The following MED13 variants were observed in gnomAD, a reference collection of about 807,000 sequenced individuals.
MED13 encodes the protein mediator complex subunit 13, also known as mediator of RNA polymerase II transcription subunit 13.
MED13 carries 23 observed loss-of-function variants against 225.2 expected under a neutral mutation model. The ratio of observed to expected loss-of-function variants is 0.10; its 90% confidence interval spans 0.07 to 0.14. The LOEUF (loss-of-function observed/expected upper bound fraction) is 0.14. MED13 is among the 10% of genes least tolerant of loss of function. The pLI is 1.00. For missense variants in MED13, 2,197 were observed against 2,594.5 expected (o/e 0.85, Z 3.33); for synonymous variants, 942 against 889.2 (o/e 1.06, Z -1.06).
At chr17:62,020,059 A>G (rs2080623968) in intron 8 of MED13, among the ~76,000 whole-genome samples, 1 of 152,020 alleles carries the variant, frequency 6.6e-6, no homozygotes, top group South Asian at 2.1e-4. Flanking sequence ...ACTGAACTTC[A>G]TGCTAGAACA....
At chr17:62,012,405 C>T (rs1307314319) in intron 8 of MED13, among the ~76,000 whole-genome samples, 4 of 149,344 alleles carry the variant, frequency 2.7e-5, no homozygotes, top group African/African-American at 9.9e-5. Context: ...TCTCAGCTCA[C>T]CGCAACCTCC....
At chr17:61,994,926 G>A (rs1470183610) in intron 10 of MED13, among the ~76,000 whole-genome samples, 1 of 152,154 alleles carries the variant, frequency 6.6e-6, no homozygotes, top group Non-Finnish European at 1.5e-5. Flanking sequence ...GGCCAAGCTG[G>A]TCTCAAACTC....
intron 17 of MED13, among the ~76,000 whole-genome samples, chr17:61,968,782 T>TG (rs2080081468): frequency 6.6e-6 from 1 of 152,224 alleles, no homozygotes; most frequent in African/African-American, 2.4e-5. Context: ...GACAGGGTCT[T>TG]GCTCTATTGC....
At position 62,010,988 on chromosome 17, in the gene MED13, T is replaced by G; in HGVS notation, c.1529A>C (p.Asn510Thr). The change falls in exon 9 of 30, where the codon AAT (asparagine) becomes ACT (threonine). Residue 510 changes from asparagine to threonine, a missense_variant. Asn to Thr is a moderately conservative substitution (Grantham distance 65, BLOSUM62 0). Transcript: ENST00000397786. ...SAPDSQVRFS[N>T]IRTNDVAKTP... ...CTTTGCTACATCATTAGTTCGGATA[T>G]TTGAAAATCTCACTTGACTGTCTGG... The G allele has an allele frequency of 1.2e-6, 2 of 1,613,632 alleles. No homozygotes were observed. Among genetic ancestry groups the G allele is most frequent in the Non-Finnish European group, 1.7e-6 (2 of 1,179,524 alleles).
chr17:61,943,459 A>C lies in MED13; in HGVS notation c.*3009T>G, dbSNP rs1257246053. On this transcript the variant is annotated 3_prime_UTR_variant, in exon 30 of 30. Transcript: ENST00000397786. Reference sequence around the variant, plus strand: ...AAGTTAAAAAATTACCTCAGAAGGTAAATATGAAGACGAAAGGAGAATATT... The same window carrying C: ...AAGTTAAAAAATTACCTCAGAAGGTCAATATGAAGACGAAAGGAGAATATT... 1 of 152,638 alleles carries C rather than the reference A, an allele frequency of 6.6e-6. No homozygotes were observed. The highest frequency in any genetic ancestry group is 2.4e-5 in the African/African-American group (1 of 41,468). 9.5% of individuals were successfully genotyped at this position (152,638 alleles called of 1,614,324 possible). A position where few individuals can be genotyped will look rare whatever the true frequency, so the allele number is the denominator to read the frequency against.
Position 62,010,764 on chromosome 17 carries a change from A to G in MED13, c.1753T>C (p.Ser585Pro). ...GCTTCCTGATATTGAGGTGGGAAAG[A>G]CTGGGACAAACTGTCTATCCTATCT... ...MEDRIDSLSQ[S>P]FPPQYQEAVE... Residue 585 changes from serine to proline, a missense_variant, in exon 9 of 30, where the codon TCT becomes CCT. Ser to Pro is a moderately conservative substitution (Grantham distance 74). Transcript: ENST00000397786. The G allele has an allele frequency of 1.9e-6, 3 of 1,614,170 alleles. No homozygotes were observed. Among genetic ancestry groups the G allele is most frequent in the African/African-American group, 1.3e-5 (1 of 75,064 alleles).
intron 8 of MED13, among the ~76,000 whole-genome samples, chr17:62,027,366 A>T (rs1243515671): frequency 6.6e-6 from 1 of 152,260 alleles, no homozygotes; most frequent in Non-Finnish European, 1.5e-5. Flanking sequence ...TGGTGCTGGT[A>T]TAAGTGGCTA....
chr17:61,950,434 A>T (rs2079887095), intron 28 of MED13, among the ~76,000 whole-genome samples: 1 of 149,978 alleles, frequency 6.7e-6, no homozygotes, highest in Non-Finnish European at 1.5e-5. Flanking sequence ...CCCAGGCTGG[A>T]GTGAAGTGGT....
At chr17:62,023,912 C>T (rs563324838) in intron 8 of MED13, among the ~76,000 whole-genome samples, 85 of 152,224 alleles carry the variant, frequency 5.6e-4, no homozygotes, top group African/African-American at 2.0e-3. Flanking sequence ...GCTGTATTTA[C>T]TAAAGGAGCA....
intron 21 of MED13, among the ~76,000 whole-genome samples, chr17:61,962,459 A>C (rs1603392251): frequency 6.6e-6 from 1 of 152,214 alleles, no homozygotes; most frequent in Non-Finnish European, 1.5e-5. Flanking sequence ...GGTACATGCT[A>C]CATTTTTCTA....
intron 27 of MED13, 126 bp from the exon 28 acceptor site, chr17:61,951,124 G>A: frequency 1.5e-6 from 1 of 666,878 alleles, no homozygotes. Flanking sequence ...AAATACTGAA[G>A]GATATTGAAA....
At chr17:62,060,000 A>G (rs1200521416) in intron 2 of MED13, among the ~76,000 whole-genome samples, 2 of 152,150 alleles carry the variant, frequency 1.3e-5, no homozygotes, top group African/African-American at 2.4e-5. Context: ...TAAATTTTTA[A>G]GTTATTTACG....
intron 16 of MED13, among the ~76,000 whole-genome samples, chr17:61,974,089 A>G (rs546671125): frequency 6.6e-6 from 1 of 152,312 alleles, no homozygotes; most frequent in Non-Finnish European, 1.5e-5. Flanking sequence ...TTTTGTATAC[A>G]TAGTAGAATA....
chr17:61,953,227 C>A, intron 26 of MED13, 114 bp from the exon 27 acceptor site: 1 of 1,033,118 alleles, frequency 9.7e-7, no homozygotes, highest in Non-Finnish European at 1.4e-6. Context: ...ATTTAACCAA[C>A]ATTTACTGAG....
rs187078012 is a variant in MED13 at position 62,010,766 on chromosome 17, T to C, written c.1751A>G (p.Gln584Arg). ...TTCCTGATATTGAGGTGGGAAAGAC[T>C]GGGACAAACTGTCTATCCTATCTTC... The part of the protein sequence containing the change: ...PMEDRIDSLS[Q>R]SFPPQYQEAV... The change falls in exon 9 of 30, where the codon CAG becomes CGG. Residue 584 changes from glutamine (Q) to arginine (R), a missense_variant. By Grantham distance (43) the Gln-to-Arg change is conservative. Around this residue, in one of 12 missense-constraint regions of MED13, gnomAD observed 884 missense variants for 918.5 expected, o/e 0.96. Coordinates refer to ENST00000397786, the MANE Select transcript of MED13 (RefSeq NM_005121.3). 2.0e-3 allele frequency: 3,209 copies of C among 1,614,148 alleles called. 7 individuals are homozygous for C. The highest frequency in any genetic ancestry group is 2.6e-3 in the Non-Finnish European group (3,033 of 1,179,978).
intron 9 of MED13, 67 bp from the exon 10 acceptor site, chr17:61,995,432 A>C (rs934618335): frequency 9.0e-7 from 1 of 1,114,856 alleles, no homozygotes; most frequent in Non-Finnish European, 1.3e-6. Flanking sequence ...AATGACGTTA[A>C]GTATCATAAT....
chr17:61,966,093 TTAAC>T (rs1301722597), intron 19 of MED13, among the ~76,000 whole-genome samples: 2 of 152,222 alleles, frequency 1.3e-5, no homozygotes. Context: ...TTGGTAGAGA[TTAAC>T]TATAAATTAT....
chr17:61,969,817 G>C (rs2080091482), intron 17 of MED13, among the ~76,000 whole-genome samples: 3 of 152,042 alleles, frequency 2.0e-5, no homozygotes, highest in Non-Finnish European at 4.4e-5. Flanking sequence ...GGCCAGGCTG[G>C]TTTCAAACTC....
chr17:61,996,581 T>A (rs893554257), intron 9 of MED13, among the ~76,000 whole-genome samples: 4 of 152,198 alleles, frequency 2.6e-5, no homozygotes, highest in African/African-American at 9.7e-5. Flanking sequence ...CTATTTCTTT[T>A]ATGGGGAACA....
Sources: gnomAD v4.1 joint callset for allele counts (sites outside exome capture counted in the v4.1 genomes callset) on GRCh38, gnomAD v4.1.1 for gene constraint, gnomAD v4.1.1 regional missense constraint, MANE v1.5 for transcripts, NCBI Gene and HGNC (gene_info 2026-07-23, HGNC 2026-07-21) for gene names.